The following RNF43 variants were observed in gnomAD, a reference collection of about 807,000 sequenced individuals.
The protein encoded by RNF43 is E3 ubiquitin-protein ligase RNF43.
In RNF43, 37 loss-of-function variants were observed where a neutral mutation model predicts 78.4. The ratio of observed to expected loss-of-function variants is 0.47; its 90% CI spans 0.36 to 0.62. RNF43 has a LOEUF of 0.62. Ranked by LOEUF, RNF43 falls within the 20% of genes least tolerant of loss-of-function variation. The pLI, the probability that RNF43 is intolerant of heterozygous loss-of-function variation, is 0.00. For synonymous variants in RNF43, 347 were observed against 395.0 expected, an observed-to-expected ratio of 0.88 and a Z score of 1.44; for missense variants, 774 against 1,007.9, an observed-to-expected ratio of 0.77 and a Z score of 3.14.
chr17:58,365,039 G>A (rs1972921578), intron 3 of RNF43, among the ~76,000 whole-genome samples: 1 of 152,218 alleles, frequency 6.6e-6, no homozygotes, highest in Non-Finnish European at 1.5e-5. Flanking sequence ...GCTAGGCCCA[G>A]CCTAGGGCCC....
At chr17:58,352,700 A>G, downstream of RNF43, 2 of 206,956 alleles carry the variant, frequency 9.7e-6, no homozygotes, top group East Asian at 1.4e-4. Context: ...TAGGGTTTCC[A>G]CTTGCTTCCC....
chr17:58,363,633 G>C (rs2143475193), intron 3 of RNF43, 33 bp from the exon 4 acceptor site: 1 of 1,588,818 alleles, frequency 6.3e-7, no homozygotes, highest in Non-Finnish European at 8.6e-7. Context: ...TTGGGCTGAG[G>C]TCAGGGAAGG....
rs369670104 is a variant in RNF43, at chr17:58,369,068, TAC to T, written c.375+1841_375+1842del. On this transcript the variant is annotated intron_variant, in intron 3 of 9. Coordinates refer to ENST00000407977, the MANE Select transcript of RNF43 (RefSeq NM_017763.6). ...CCTTCTTCCCCATCTCTCTCTCTCA[TAC>T]ACACACACACACACACACACACGCA... 2.3e-3 allele frequency among the ~76,000 whole-genome samples: 333 copies of T among 143,832 alleles called. 2 individuals carry two copies. Among genetic ancestry groups the T allele is most frequent in the Non-Finnish European group, 3.1e-3 (204 of 65,080 alleles). 94.4% of individuals were successfully genotyped at this position (143,832 alleles called of 152,430 possible).
intron 2 of RNF43, among the ~76,000 whole-genome samples, chr17:58,400,193 C>T (rs920928815): frequency 2.6e-5 from 4 of 152,128 alleles, no homozygotes; most frequent in African/African-American, 9.7e-5. Flanking sequence ...AAGTTCCCAC[C>T]CCAGAACTCA....
chr17:58,378,894 G>T (rs1420951070), intron 2 of RNF43, among the ~76,000 whole-genome samples: 1 of 152,186 alleles, frequency 6.6e-6, no homozygotes. Context: ...TTAGTGTTTG[G>T]TGAAAGAATG....
intron 2 of RNF43, among the ~76,000 whole-genome samples, chr17:58,399,499 C>T (rs191223997): frequency 6.6e-6 from 1 of 152,172 alleles, no homozygotes; most frequent in Non-Finnish European, 1.5e-5. Flanking sequence ...CATGTTGGGA[C>T]CAGCACAGTA....
intron 2 of RNF43, among the ~76,000 whole-genome samples, chr17:58,395,856 T>G (rs1973668497): frequency 6.6e-6 from 1 of 152,194 alleles, no homozygotes; most frequent in Non-Finnish European, 1.5e-5. Flanking sequence ...ATGCTGTGAT[T>G]TCAGTTCTTC....
intron 2 of RNF43, among the ~76,000 whole-genome samples, chr17:58,407,566 T>C (rs1321359706): frequency 6.6e-6 from 1 of 152,208 alleles, no homozygotes; most frequent in African/African-American, 2.4e-5. Context: ...AAATAAAATT[T>C]ATCCATGAAC....
At chr17:58,405,267 C>T (rs548475383) in intron 2 of RNF43, among the ~76,000 whole-genome samples, 3 of 151,262 alleles carry the variant, frequency 2.0e-5, no homozygotes, top group East Asian at 3.9e-4. Context: ...TTAGTAGAGA[C>T]GGGGTTTCAC....
At chr17:58,402,131 C>G (rs1973814507) in intron 2 of RNF43, among the ~76,000 whole-genome samples, 2 of 152,316 alleles carry the variant, frequency 1.3e-5, no homozygotes, top group Non-Finnish European at 1.5e-5. Context: ...CAGGGCAAGT[C>G]TTTGTGATTG....
intron 2 of RNF43, among the ~76,000 whole-genome samples, chr17:58,397,134 A>T (rs1003530194): frequency 6.6e-6 from 1 of 152,196 alleles, no homozygotes; most frequent in Non-Finnish European, 1.5e-5. Context: ...TAGAGGGGGA[A>T]AAATAAATGT....
chr17:58,373,209 G>A (rs890315339), intron 2 of RNF43, among the ~76,000 whole-genome samples: 1 of 152,230 alleles, frequency 6.6e-6, no homozygotes, highest in Non-Finnish European at 1.5e-5. Flanking sequence ...TCACTGACCA[G>A]AGGGTCGCCT....
chr17:58,388,904 T>C (rs953352038), intron 2 of RNF43, among the ~76,000 whole-genome samples: 1 of 152,194 alleles, frequency 6.6e-6, no homozygotes, highest in Non-Finnish European at 1.5e-5. Context: ...ACAGGAAGAC[T>C]TGTCTGACTG....
rs1044896377 is a variant in RNF43 at position 58,363,402 on chromosome 17, T to C, written c.455A>G (p.Gln152Arg). 7 of 1,614,062 alleles carry C rather than the reference T, an allele frequency of 4.3e-6. No homozygotes were observed. The highest frequency in any genetic ancestry group is 5.9e-6 in the Non-Finnish European group (7 of 1,180,026). The change falls in exon 5 of 10, where the codon CAG (glutamine) becomes CGG (arginine). Residue 152 changes from glutamine (Q) to arginine (R), a missense_variant. Physicochemically the swap from Gln to Arg is conservative, Grantham distance 43 (BLOSUM62 1). Coordinates refer to ENST00000407977, the MANE Select transcript of RNF43 (RefSeq NM_017763.6). ...TGGCCAGGTCAGCCCCAGCGGCTGC[T>C]GCAGCTACAGGGGGAAAGTGCCCAC... ...TEDRAAAEQL[Q>R]QPLGLTWPVV...
chr17:58,399,672 C>T (rs1411064677), intron 2 of RNF43, among the ~76,000 whole-genome samples: 3 of 151,096 alleles, frequency 2.0e-5, no homozygotes, highest in African/African-American at 7.3e-5. Flanking sequence ...GACAAAGTCT[C>T]ACTCTGTCAC....
intron 2 of RNF43, 85 bp from the exon 3 acceptor site, chr17:58,371,118 G>T (rs2143517954): frequency 7.4e-7 from 1 of 1,350,818 alleles, no homozygotes. Flanking sequence ...CATTTTTCTA[G>T]GGAGGTACCA....
At position 58,360,932 on chromosome 17, in the gene RNF43, G is replaced by A. The variant is rs776193125; in HGVS notation, c.700C>T (p.Gln234Ter). 6.3e-7 allele frequency: 1 copy of A among 1,581,992 alleles called. No individual in the cohort carries two copies. Among genetic ancestry groups the A allele is most frequent in the South Asian group, 1.1e-5 (1 of 87,376 alleles). ...PRHSRPDPLQ[Q>*]RTAWAISQLA... is the part of the protein sequence containing the mutation. ...TGGCTGATGGCCCAGGCTGTTCTCT[G>A]CTGAAGCGGATCCTGGGAAGAGGAA... The change falls in exon 7 of 10, where the codon CAG becomes TAG. Residue 234 changes from glutamine (Q) to a stop codon, truncating the protein, a stop_gained. Coordinates refer to ENST00000407977, the MANE Select transcript of RNF43 (RefSeq NM_017763.6). LOFTEE classifies it high-confidence loss of function. The surrounding 1 kb of genome is among the most constrained non-coding windows in gnomAD (Gnocchi z 4.3).
At chr17:58,411,501 G>A (rs969663794) in intron 2 of RNF43, among the ~76,000 whole-genome samples, 2 of 152,018 alleles carry the variant, frequency 1.3e-5, no homozygotes, top group African/African-American at 4.8e-5. Context: ...TTGTGCAAAG[G>A]GGAATTTCTC....
intron 2 of RNF43, chr17:58,402,859 G>A (rs1973833780): frequency 6.6e-6 from 1 of 152,174 alleles, no homozygotes; most frequent in South Asian, 2.1e-4. Context: ...TCCTTTGTGG[G>A]AGAAAATGAC....
Sources: allele counts gnomAD v4.1 joint callset (sites outside exome capture counted in the v4.1 genomes callset), GRCh38; gene constraint gnomAD v4.1.1; non-coding constraint Gnocchi (gnomAD v3.1); transcripts MANE v1.5; gene names NCBI Gene and HGNC (gene_info 2026-07-23, HGNC 2026-07-21).